Variants in IL15 observed in about 807,000 individuals in gnomAD.
The protein encoded by IL15 is interleukin-15.
In IL15, 11 loss-of-function variants were observed where a neutral mutation model predicts 19.6. The observed-to-expected ratio is 0.56, with a 90% CI of 0.35 to 0.93. IL15 has a LOEUF of 0.93. Among genes scored for constraint, IL15 ranks in the 40% least tolerant of loss-of-function variants. The probability of loss-of-function intolerance (pLI) is 0.01; values close to 1 mark genes in which losing one functional copy is unlikely to be tolerated. For missense variants in IL15, 197 were observed against 186.5 expected (o/e 1.06, Z -0.33); for synonymous variants, 58 against 59.6 (o/e 0.97, Z 0.12).
At chr4:141,721,875 A>G (rs754719733) in intron 4 of IL15, 49 bp from the exon 5 acceptor site, 2 of 1,438,890 alleles carry the variant, frequency 1.4e-6, no homozygotes, top group South Asian at 2.6e-5. Context: ...GTATTCATCA[A>G]GATGAATAGG....
At chr4:141,689,829 C>A (rs931626042) in intron 2 of IL15, among the ~76,000 whole-genome samples, 2 of 152,214 alleles carry the variant, frequency 1.3e-5, no homozygotes, top group African/African-American at 4.8e-5. Context: ...GCAGGTGGAG[C>A]TGCCTGCCAG....
intron 2 of IL15, among the ~76,000 whole-genome samples, chr4:141,682,608 G>C (rs913585689): frequency 6.6e-6 from 1 of 152,040 alleles, no homozygotes; most frequent in Non-Finnish European, 1.5e-5. Flanking sequence ...ATGAACACAT[G>C]TACATACATG....
intron 1 of IL15, among the ~76,000 whole-genome samples, chr4:141,653,511 T>C (rs1039959380): frequency 6.6e-6 from 1 of 152,188 alleles, no homozygotes; most frequent in Admixed American, 6.5e-5. Flanking sequence ...AAATGTTTTG[T>C]GCAGACACAC....
chr4:141,686,424 A>G (rs1728715318), intron 2 of IL15, among the ~76,000 whole-genome samples: 1 of 152,212 alleles, frequency 6.6e-6, no homozygotes. Flanking sequence ...TTCCTATTTC[A>G]TTATCGTCCA....
rs116154694 is a variant in IL15 at position 141,706,124 on chromosome 4, G to A, written c.-99-13242G>A. Among the ~76,000 whole-genome samples, 763 of 151,520 alleles carry A rather than the reference G, an allele frequency of 5.0e-3. 5 individuals carry two copies. The highest frequency in any genetic ancestry group is 0.017 in the African/African-American group (685 of 41,358). On this transcript the variant is annotated intron_variant, in intron 2 of 7. Transcript: ENST00000320650. Reference sequence around the variant, plus strand: ...ATTACTTTCTGGTTATGGTTATTTCGTAAATGTTTTGTTCCTTTCTTCCTC... The same window carrying A: ...ATTACTTTCTGGTTATGGTTATTTCATAAATGTTTTGTTCCTTTCTTCCTC...
At chr4:141,654,135 AG>A (rs1306644654) in intron 1 of IL15, among the ~76,000 whole-genome samples, 2 of 152,182 alleles carry the variant, frequency 1.3e-5, no homozygotes, top group Non-Finnish European at 2.9e-5. Flanking sequence ...GATGGAAGTA[AG>A]GGCAGATCAA....
intron 2 of IL15, among the ~76,000 whole-genome samples, chr4:141,703,388 C>T (rs1035068599): frequency 6.6e-6 from 1 of 152,134 alleles, no homozygotes; most frequent in Admixed American, 6.5e-5. Context: ...TTGAGGGCTC[C>T]TGTGAGATAT....
intron 4 of IL15, chr4:141,721,618 C>G (rs1730084291): frequency 1.1e-5 from 6 of 527,302 alleles, no homozygotes; most frequent in Non-Finnish European, 1.8e-5. Flanking sequence ...TTGAGCATTG[C>G]CACACATCTG....
chr4:141,665,199 TC>T (rs1161625300), intron 2 of IL15, among the ~76,000 whole-genome samples: 1 of 152,138 alleles, frequency 6.6e-6, no homozygotes, highest in Admixed American at 6.5e-5. Context: ...TTTTGTCAGA[TC>T]TATCAATCTT....
chr4:141,721,133 C>T, intron 4 of IL15: 1 of 1,507,736 alleles, frequency 6.6e-7, no homozygotes, highest in Non-Finnish European at 9.1e-7. Context: ...TTCAGTTTTA[C>T]TCTACTAATG....
intron 2 of IL15, among the ~76,000 whole-genome samples, chr4:141,664,402 CA>C (rs1185406234): frequency 7.5e-6 from 1 of 133,152 alleles, no homozygotes; most frequent in African/African-American, 2.8e-5. Flanking sequence ...AAACCAACAA[CA>C]AAAAAACCCT....
intron 2 of IL15, among the ~76,000 whole-genome samples, chr4:141,712,379 A>G (rs533562685): frequency 2.0e-5 from 3 of 152,078 alleles, no homozygotes; most frequent in Admixed American, 6.6e-5. Context: ...CTGGAGAATT[A>G]TACTAGCTGG....
At chr4:141,695,802 T>C (rs932558438) in intron 2 of IL15, among the ~76,000 whole-genome samples, 8 of 152,048 alleles carry the variant, frequency 5.3e-5, no homozygotes, top group Non-Finnish European at 1.2e-4. Flanking sequence ...TTTCTTCAAA[T>C]TTGAGTTGTT....
chr4:141,723,507 G>C (rs1280966914), intron 5 of IL15, among the ~76,000 whole-genome samples: 1 of 152,134 alleles, frequency 6.6e-6, no homozygotes, highest in East Asian at 1.9e-4. Flanking sequence ...TTCTTCTCTA[G>C]ACCCCTCAGA....
intron 2 of IL15, among the ~76,000 whole-genome samples, chr4:141,705,521 G>T (rs748617178): frequency 6.6e-6 from 1 of 151,968 alleles, no homozygotes; most frequent in Non-Finnish European, 1.5e-5. Flanking sequence ...CCTAAAAAAT[G>T]TTCCATATGC....
intron 2 of IL15, among the ~76,000 whole-genome samples, chr4:141,661,204 G>T (rs573640769): frequency 2.8e-4 from 43 of 152,164 alleles, no homozygotes; most frequent in Non-Finnish European, 5.7e-4. Context: ...AGGAAATACT[G>T]CCAGGAAGAA....
chr4:141,693,280 T>G (rs1477694009), intron 2 of IL15, among the ~76,000 whole-genome samples: 2 of 152,198 alleles, frequency 1.3e-5, no homozygotes, highest in African/African-American at 4.8e-5. Flanking sequence ...ACTGCCTTCA[T>G]GGTCCAATCA....
Position 141,667,559 on chromosome 4 carries a change from T to C in IL15, c.-100+11252T>C, listed in dbSNP as rs114071869. ...AGCACCTATGGTTTAATTCATACCT[T>C]TTTTTTTCACTCTGTATGCCACTTA... On this transcript the variant is annotated intron_variant, in intron 2 of 7. Coordinates refer to ENST00000320650, the MANE Select transcript of IL15 (RefSeq NM_000585.5). Among the ~76,000 whole-genome samples the C allele has an allele frequency of 2.1e-3, 321 of 152,136 alleles. 3 individuals carry two copies. The highest frequency in any genetic ancestry group is 7.5e-3 in the African/African-American group (312 of 41,502).
Position 141,732,985 on chromosome 4 carries a change from C to T in IL15, c.*137C>T. 7.5e-7 allele frequency: 1 copy of T among 1,336,160 alleles called. No individual in the cohort carries two copies. Among genetic ancestry groups the T allele is most frequent in the Non-Finnish European group, 9.8e-7 (1 of 1,017,626 alleles). 82.8% of individuals were successfully genotyped at this position (1,336,160 alleles called of 1,614,324 possible). ...TCAAGAAGATGATCAGACCTTGGATCAGATGAACTCTTAGAAATGAAGGCA... is the reference window on the plus strand; with the variant it reads ...TCAAGAAGATGATCAGACCTTGGATTAGATGAACTCTTAGAAATGAAGGCA... On this transcript the variant is annotated 3_prime_UTR_variant, in exon 8 of 8. Coordinates refer to ENST00000320650, the MANE Select transcript of IL15 (RefSeq NM_000585.5).
Sources: allele counts gnomAD v4.1 joint callset (sites outside exome capture counted in the v4.1 genomes callset), GRCh38; gene constraint gnomAD v4.1.1; transcripts MANE v1.5; gene names NCBI Gene and HGNC (gene_info 2026-07-23, HGNC 2026-07-21).